Variants in DNAH17 observed in about 807,000 individuals in gnomAD.
DNAH17 encodes dynein axonemal heavy chain 17, also known as axonemal beta dynein heavy chain 17.
Under a neutral mutation model 485.6 loss-of-function variants are expected in DNAH17, and 376 were observed. The ratio of observed to expected loss-of-function variants is 0.77; its 90% CI spans 0.71 to 0.84. DNAH17 has a LOEUF of 0.84. Ranked by LOEUF, DNAH17 falls within the 40% of genes least tolerant of loss-of-function variation. DNAH17 has a pLI of 0.00. For missense variants in DNAH17, 6,370 were observed against 5,839.3 expected (o/e 1.09, Z -2.96); for synonymous variants, 3,031 against 2,405.9 (o/e 1.26, Z -7.60).
At chr17:78,437,077 C>G (rs977086172) in intron 74 of DNAH17, among the ~76,000 whole-genome samples, 2 of 152,204 alleles carry the variant, frequency 1.3e-5, no homozygotes, top group African/African-American at 2.4e-5. Flanking sequence ...CAGCTGTTAG[C>G]AGAGGAGGAC....
intron 16 of DNAH17, among the ~76,000 whole-genome samples, chr17:78,549,579 G>C (rs2091852698): frequency 6.6e-6 from 1 of 152,220 alleles, no homozygotes; most frequent in Non-Finnish European, 1.5e-5. Flanking sequence ...TCAGCACCAG[G>C]AGAAAGCAAA....
chr17:78,492,556 T>C, intron 42 of DNAH17, 77 bp downstream of exon 42: 1 of 1,571,064 alleles, frequency 6.4e-7, no homozygotes, highest in South Asian at 1.1e-5. Context: ...GCCTTCCACG[T>C]GGGAACGGCT....
chr17:78,436,978 G>C (rs1418509895), intron 74 of DNAH17, among the ~76,000 whole-genome samples: 1 of 152,316 alleles, frequency 6.6e-6, no homozygotes. Context: ...GGCAGATGCA[G>C]AAGTGGGATC....
intron 17 of DNAH17, among the ~76,000 whole-genome samples, chr17:78,541,848 C>G (rs2091598818): frequency 6.6e-6 from 1 of 152,150 alleles, no homozygotes; most frequent in African/African-American, 2.4e-5. Flanking sequence ...GTTAACTCTT[C>G]CAAGTAACAT....
Position 78,501,677 on chromosome 17 carries a change from T to C in DNAH17, c.5322+65A>G, listed in dbSNP as rs1272788656. 6 of 1,572,752 alleles carry C rather than the reference T, an allele frequency of 3.8e-6. No individual in the cohort carries two copies. In the South Asian group the frequency reaches 5.6e-5, roughly 15 times the overall value. ...AGTGGCAGGGTCTGAAGTCCCTGAA[T>C]GCACTGCCCTGAACCCGGTGTCCCC... On this transcript the variant is annotated intron_variant, in intron 34 of 80. Coordinates refer to ENST00000389840, the MANE Select transcript of DNAH17 (RefSeq NM_173628.4).
chr17:78,559,705 C>G (rs2092110373), intron 13 of DNAH17, among the ~76,000 whole-genome samples: 1 of 152,206 alleles, frequency 6.6e-6, no homozygotes, highest in African/African-American at 2.4e-5. Flanking sequence ...GTCTGACACC[C>G]TGCAGGGGCT....
At chr17:78,566,913 G>A (rs1401012872) in intron 10 of DNAH17, 86 bp downstream of exon 10, 10 of 1,477,784 alleles carry the variant, frequency 6.8e-6, no homozygotes, top group African/African-American at 2.8e-5. Context: ...TCCTCCGTGT[G>A]CCCTCCCATC....
intron 75 of DNAH17, among the ~76,000 whole-genome samples, chr17:78,431,416 T>C (rs929104864): frequency 2.0e-5 from 3 of 150,008 alleles, no homozygotes; most frequent in Admixed American, 2.0e-4. Context: ...TGGGGGTGAG[T>C]GCTGTCTGCA....
chr17:78,431,690 CGGTG>C (rs1172582440), intron 75 of DNAH17, among the ~76,000 whole-genome samples: 1 of 151,906 alleles, frequency 6.6e-6, no homozygotes, highest in Non-Finnish European at 1.5e-5. Flanking sequence ...ATATGGGAGC[CGGTG>C]GGGAGTCTGT....
intron 74 of DNAH17, among the ~76,000 whole-genome samples, chr17:78,434,991 G>T (rs78064011): frequency 0.02 from 2,978 of 152,332 alleles, 100 homozygotes; most frequent in African/African-American, 0.068. Flanking sequence ...CAAGAGCAGG[G>T]CCCTGTCCTG....
chr17:78,484,746 C>G (rs868415483), intron 48 of DNAH17, 122 bp downstream of exon 48: 4 of 295,232 alleles, frequency 1.4e-5, no homozygotes, highest in Admixed American at 1.4e-4. Context: ...AGCACCCCCC[C>G]CACCGCCCCA....
rs999703357 is a variant in DNAH17 at position 78,429,253 on chromosome 17, G to A, written c.12273C>T (p.Gly4091=). Residue 4091 remains glycine, a synonymous_variant, in exon 76 of 81, where the codon GGC becomes GGT. Transcript: ENST00000389840. ...LRYLFGEIMY[G]GHITDDWDRR... The stretch of plus-strand genomic sequence containing the variant: ...GGTCCCAGTCATCTGTGATGTGGCC[G>A]CCATACATGATTTCACCAAAAAGGT... 2.7e-5 allele frequency: 44 copies of A among 1,613,810 alleles called. 2 individuals carry two copies. Among genetic ancestry groups the A allele is most frequent in the Non-Finnish European group, 3.6e-5 (42 of 1,179,900 alleles).
chr17:78,434,178 T>C lies in DNAH17; in HGVS notation c.12076A>G (p.Met4026Val). ...TGGAAGTAGCACAGGGCGAAGAGCA[T>C]GCACTTGAACTCCATCTCCTTGGTG... Reference protein sequence around the residue: ...MCTKEMEFKCMLFALCYFHAV... With the variant: ...MCTKEMEFKCVLFALCYFHAV... The change falls in exon 75 of 81, where the codon ATG becomes GTG. Residue 4026 changes from methionine to valine, a missense_variant. Physicochemically the swap from Met to Val is conservative, Grantham distance 21. Coordinates refer to ENST00000389840, the MANE Select transcript of DNAH17 (RefSeq NM_173628.4). 2 of 1,613,382 alleles carry C rather than the reference T, an allele frequency of 1.2e-6. No individual in the cohort carries two copies. The highest frequency in any genetic ancestry group is 1.7e-6 in the Non-Finnish European group (2 of 1,179,684).
intron 73 of DNAH17, among the ~76,000 whole-genome samples, chr17:78,438,435 A>AG (rs1278765474): frequency 2.7e-5 from 2 of 74,648 alleles, no homozygotes; most frequent in Non-Finnish European, 2.6e-5. Flanking sequence ...AAGGAGGAGG[A>AG]GGAGGAGGAG....
chr17:78,538,072 G>A (rs1295690686), intron 18 of DNAH17, among the ~76,000 whole-genome samples: 4 of 148,928 alleles, frequency 2.7e-5, no homozygotes, highest in South Asian at 2.1e-4. Context: ...CCCAAGAGGC[G>A]GAGGTTGCAA....
chr17:78,481,145 C>G (rs1355652611), intron 48 of DNAH17, among the ~76,000 whole-genome samples: 1 of 144,542 alleles, frequency 6.9e-6, no homozygotes, highest in Non-Finnish European at 1.5e-5. Context: ...CTCAGTCACT[C>G]AGGCCGGAGT....
chr17:78,494,045 G>T lies in DNAH17; in HGVS notation c.6399C>A (p.Gly2133=). ...GGAGCGGGTGACACACCTGAGATTTGCCGCTGCCCGCATTCCCGACGATGA... is the reference window on the plus strand; with the variant it reads ...GGAGCGGGTGACACACCTGAGATTTTCCGCTGCCCGCATTCCCGACGATGA... The part of the protein sequence containing the change: ...SVFIVGNAGS[G]KSQVLKSLNK... The change falls in exon 41 of 81, where the codon GGC becomes GGA. Residue 2133 remains glycine, a synonymous_variant. Transcript: ENST00000389840. The T allele has an allele frequency of 6.2e-7, 1 of 1,612,240 alleles. No homozygotes were observed.
intron 19 of DNAH17, among the ~76,000 whole-genome samples, chr17:78,535,455 T>C (rs908584253): frequency 6.6e-6 from 1 of 152,116 alleles, no homozygotes; most frequent in African/African-American, 2.4e-5. Context: ...CGTGTCCTCA[T>C]GTCACCTCTG....
At chr17:78,431,005 C>G (rs2086650723) in intron 75 of DNAH17, among the ~76,000 whole-genome samples, 1 of 151,732 alleles carries the variant, frequency 6.6e-6, no homozygotes, top group Non-Finnish European at 1.5e-5. Context: ...TTCAGCCTCC[C>G]AAGTAGCTGG....
Sources: allele counts gnomAD v4.1 joint callset (sites outside exome capture counted in the v4.1 genomes callset), GRCh38; gene constraint gnomAD v4.1.1; transcripts MANE v1.5; gene names NCBI Gene and HGNC (gene_info 2026-07-23, HGNC 2026-07-21).